FANCI: variants seen among roughly 807,000 people sequenced by gnomAD.
The protein encoded by FANCI is FA complementation group I.
FANCI carries 156 observed loss-of-function variants against 176.1 expected under a neutral mutation model. The ratio of observed to expected loss-of-function variants is 0.89; its 90% CI spans 0.78 to 1.01. FANCI has a LOEUF of 1.01. Among genes scored for constraint, FANCI ranks in the 50% least tolerant of loss-of-function variants. The pLI, the probability that FANCI is intolerant of heterozygous loss-of-function variation, is 0.00. For missense variants in FANCI, 1,678 were observed against 1,534.1 expected, an observed-to-expected ratio of 1.09 and a Z score of -1.57; for synonymous variants, 613 against 541.7, an observed-to-expected ratio of 1.13 and a Z score of -1.83.
At chr15:89,269,886 C>T (rs2053132629) in intron 10 of FANCI, among the ~76,000 whole-genome samples, 5 of 151,944 alleles carry the variant, frequency 3.3e-5, no homozygotes, top group Admixed American at 3.3e-4. Context: ...TCTTGGCTCA[C>T]TGCAACCTCC....
intron 27 of FANCI, among the ~76,000 whole-genome samples, chr15:89,303,573 C>T (rs2054602359): frequency 1.3e-5 from 2 of 152,162 alleles, no homozygotes; most frequent in South Asian, 2.1e-4. Flanking sequence ...GGCGCTTTAG[C>T]CCTAGACCAC....
At chr15:89,289,488 A>ATTT (rs2053973682) in intron 18 of FANCI, among the ~76,000 whole-genome samples, 1 of 151,962 alleles carries the variant, frequency 6.6e-6, no homozygotes, top group Non-Finnish European at 1.5e-5. Context: ...TATTTTTAGT[A>ATTT]GAGATGGGGT....
Position 89,299,916 on chromosome 15 carries a change from C to T in FANCI, c.2753C>T (p.Ala918Val), listed in dbSNP as rs748546731. 1.4e-5 allele frequency: 22 copies of T among 1,613,958 alleles called. No homozygotes were observed. In the Admixed American group the frequency reaches 3.2e-4, roughly 23 times the overall value. Reference sequence around the variant, plus strand: ...GAGGGTTTACAGAAAATATTCAGTGCTGTGCAACAGTTCTATCAGCCCAAG... The same window carrying T: ...GAGGGTTTACAGAAAATATTCAGTGTTGTGCAACAGTTCTATCAGCCCAAG... ...CLEGLQKIFS[A>V]VQQFYQPKIQ... The change falls in exon 25 of 38, where the codon GCT (alanine) becomes GTT (valine). Residue 918 changes from alanine to valine, a missense_variant. Ala to Val is a moderately conservative substitution (Grantham distance 64). Around this residue, in one of 3 missense-constraint regions of FANCI, gnomAD observed 1,204 missense variants for 1,077.4 expected, o/e 1.12. Coordinates refer to ENST00000310775, the MANE Select transcript of FANCI (RefSeq NM_001113378.2).
chr15:89,300,374 C>CGGCAAT lies in FANCI; in HGVS notation c.2879_2884dup (p.Gln961_Phe962insTrpGln), dbSNP rs776851666. 27 of 1,613,552 alleles carry CGGCAAT rather than the reference C, an allele frequency of 1.7e-5. No individual in the cohort carries two copies. In the East Asian group the frequency reaches 6.0e-4, roughly 36 times the overall value. ...CACTCAGAGAACAGCATTCCAGATC[C>CGGCAAT]GGCAATTTCAGGTGAGAAGCCTTGC... On this transcript the variant is annotated inframe_insertion, in exon 26 of 38. Coordinates refer to ENST00000310775, the MANE Select transcript of FANCI (RefSeq NM_001113378.2).
chr15:89,277,929 C>G (rs1277404763), intron 13 of FANCI, among the ~76,000 whole-genome samples: 1 of 152,096 alleles, frequency 6.6e-6, no homozygotes, highest in Non-Finnish European at 1.5e-5. Context: ...GTGTTCTAAT[C>G]CAGAACTATG....
At chr15:89,310,781 C>T (rs1350380597) in intron 34 of FANCI, among the ~76,000 whole-genome samples, 1 of 152,174 alleles carries the variant, frequency 6.6e-6, no homozygotes, top group Non-Finnish European at 1.5e-5. Flanking sequence ...GCAACGAAAA[C>T]CATTGCTGCA....
rs2151453253 is a variant in FANCI at position 89,274,274 on chromosome 15, C to T, written c.1082C>T (p.Ser361Leu). Reference sequence around the variant, plus strand: ...CTAGTTCCTCATAGATCTTATGTTTCAACCATGATCTTGGAAGTAGTGAAG... The same window carrying T: ...CTAGTTCCTCATAGATCTTATGTTTTAACCATGATCTTGGAAGTAGTGAAG... ...QNLVPHRSYV[S>L]TMILEVVKNS... The change falls in exon 12 of 38, where the codon TCA becomes TTA. Residue 361 changes from serine to leucine, a missense_variant. By Grantham distance (145) the Ser-to-Leu change is moderately radical. Around this residue, in one of 3 missense-constraint regions of FANCI, gnomAD observed 469 missense variants for 436.9 expected, o/e 1.07. Transcript: ENST00000310775. 6.2e-7 allele frequency: 1 copy of T among 1,613,424 alleles called. No homozygotes were observed.
Position 89,302,443 on chromosome 15 carries a change from A to G in FANCI, c.3006+1001A>G, listed in dbSNP as rs117622535. On this transcript the variant is annotated intron_variant, in intron 27 of 37. Transcript: ENST00000310775. ...CAGGGGGAAATTTGAGAGAAAATAA[A>G]TGGATTTAGGAAGGCTAAAATGTTC... Among the ~76,000 whole-genome samples, 551 of 152,288 alleles carry G rather than the reference A, an allele frequency of 3.6e-3. 2 individuals are homozygous for G. Among genetic ancestry groups the G allele is most frequent in the Non-Finnish European group, 6.0e-3 (405 of 68,008 alleles).
intron 2 of FANCI, among the ~76,000 whole-genome samples, chr15:89,254,272 CAT>C (rs1228804595): frequency 6.6e-6 from 1 of 152,148 alleles, no homozygotes; most frequent in Non-Finnish European, 1.5e-5. Flanking sequence ...TTTGCTGTTT[CAT>C]AACCATTCCT....
At chr15:89,261,994 A>G in intron 6 of FANCI, 116 bp downstream of exon 6, 2 of 844,746 alleles carry the variant, frequency 2.4e-6, no homozygotes, top group South Asian at 1.5e-5. Context: ...GTTGTTTTTA[A>G]TATAACACTA....
intron 17 of FANCI, among the ~76,000 whole-genome samples, 165 bp downstream of exon 17, chr15:89,283,415 G>A (rs1295200824): frequency 6.6e-6 from 1 of 152,072 alleles, no homozygotes; most frequent in Non-Finnish European, 1.5e-5. Flanking sequence ...GATGATATTG[G>A]CTAACACTCA....
Position 89,316,390 on chromosome 15 carries a change from C to T in FANCI, c.3925-7C>T, listed in dbSNP as rs1389176310. 1.9e-6 allele frequency: 3 copies of T among 1,610,636 alleles called. No individual in the cohort carries two copies. The highest frequency in any genetic ancestry group is 8.5e-7 in the Non-Finnish European group (1 of 1,178,052). On this transcript the variant is annotated splice_region_variant and splice_polypyrimidine_tract_variant and intron_variant, in intron 37 of 37. Transcript: ENST00000310775. ...CACGTTAGAGCATTAATTCTTTCCC[C>T]TTCTAGGGCACTGCATCAGAGCATG... is the stretch of plus-strand genomic sequence containing the variant.
rs781544101 is a variant in FANCI at position 89,305,300 on chromosome 15, A to C, written c.3187-41A>C. On this transcript the variant is annotated intron_variant, in intron 29 of 37. Coordinates refer to ENST00000310775, the MANE Select transcript of FANCI (RefSeq NM_001113378.2). ...TGTGGGGATGGGGGTCAAGGGAACA[A>C]CCTTACTGTCATTAGGTCTCACCTC... 7 of 1,614,066 alleles carry C rather than the reference A, an allele frequency of 4.3e-6. No homozygotes were observed. In the African/African-American group the frequency reaches 9.3e-5, roughly 22 times the overall value.
chr15:89,280,257 T>G (rs2053565796), intron 14 of FANCI, among the ~76,000 whole-genome samples: 1 of 152,140 alleles, frequency 6.6e-6, no homozygotes, highest in Admixed American at 6.6e-5. Flanking sequence ...CTTGACCTCG[T>G]GATCCACCTG....
At chr15:89,304,032 G>T (rs2054620946) in intron 28 of FANCI, 117 bp downstream of exon 28, 1 of 931,434 alleles carries the variant, frequency 1.1e-6, no homozygotes, top group South Asian at 1.4e-5. Flanking sequence ...TGGCCAAAAT[G>T]AAACAGACAC....
chr15:89,307,722 T>G, intron 34 of FANCI, 50 bp downstream of exon 34: 1 of 1,614,104 alleles, frequency 6.2e-7, no homozygotes, highest in Non-Finnish European at 8.5e-7. Flanking sequence ...AAGGATTTCT[T>G]ACATGCCCAG....
At chr15:89,248,364 T>C (rs1161174324) in intron 2 of FANCI, among the ~76,000 whole-genome samples, 1 of 152,206 alleles carries the variant, frequency 6.6e-6, no homozygotes, top group Non-Finnish European at 1.5e-5. Flanking sequence ...AGTAAAGACA[T>C]TGAGTATCAT....
Position 89,315,297 on chromosome 15 carries a change from C to G in FANCI, c.3832C>G (p.His1278Asp). 6.2e-7 allele frequency: 1 copy of G among 1,613,022 alleles called. No homozygotes were observed. The highest frequency in any genetic ancestry group is 8.5e-7 in the Non-Finnish European group (1 of 1,178,976). Reference protein sequence around the residue: ...SKKSKVNLMQHMKLSTSRDFK... With the variant: ...SKKSKVNLMQDMKLSTSRDFK... The stretch of plus-strand genomic sequence containing the variant: ...CTTGTCATAGGTGAACCTGATGCAG[C>G]ACATGAAGCTCAGCACCTCACGAGA... Residue 1278 changes from histidine to aspartate, a missense_variant, in exon 37 of 38, where the codon CAC becomes GAC. His to Asp is a moderately conservative substitution (Grantham distance 81). Around this residue, in one of 3 missense-constraint regions of FANCI, gnomAD observed 1,204 missense variants for 1,077.4 expected, o/e 1.12. Coordinates refer to ENST00000310775, the MANE Select transcript of FANCI (RefSeq NM_001113378.2).
chr15:89,310,981 G>A (rs2054932246), intron 34 of FANCI, among the ~76,000 whole-genome samples: 1 of 152,086 alleles, frequency 6.6e-6, no homozygotes, highest in African/African-American at 2.4e-5. Flanking sequence ...AAAATAGCAG[G>A]GCACGGTGGC....
Sources: gnomAD v4.1 joint callset for allele counts (sites outside exome capture counted in the v4.1 genomes callset) on GRCh38, gnomAD v4.1.1 for gene constraint, gnomAD v4.1.1 regional missense constraint, MANE v1.5 for transcripts, NCBI Gene and HGNC (gene_info 2026-07-23, HGNC 2026-07-21) for gene names.